GINS1: variants seen among roughly 807,000 people sequenced by gnomAD.
GINS1 encodes DNA replication complex GINS protein PSF1.
Under a neutral mutation model 34.9 loss-of-function variants are expected in GINS1, and 26 were observed. That is an observed-to-expected ratio of 0.74 (90% CI 0.55 to 1.03). GINS1 has a LOEUF of 1.03. Ranked by LOEUF, GINS1 falls within the 50% of genes least tolerant of loss-of-function variation. The pLI is 0.00. For missense variants in GINS1, 235 were observed against 237.9 expected (o/e 0.99, Z 0.08); for synonymous variants, 97 against 84.4 (o/e 1.15, Z -0.82).
rs2090513726 is a variant in GINS1 at position 25,446,560 on chromosome 20, C to G, written c.*569C>G. The G allele has an allele frequency of 6.6e-6, 1 of 152,202 alleles. No homozygotes were observed. The highest frequency in any genetic ancestry group is 1.5e-5 in the Non-Finnish European group (1 of 68,056). 9.4% of individuals were successfully genotyped at this position (152,202 alleles called of 1,614,324 possible). A position where few individuals can be genotyped will look rare whatever the true frequency, so the allele number is the denominator to read the frequency against. On this transcript the variant is annotated 3_prime_UTR_variant, in exon 7 of 7. Coordinates refer to ENST00000262460, the MANE Select transcript of GINS1 (RefSeq NM_021067.5). ...GAGATACACATTTTCAAATCACATG[C>G]AAGTGAAGATGATGGTCTGTAGAAA...
chr20:25,442,320 TTATCCATC>T (rs2090485961), intron 6 of GINS1, among the ~76,000 whole-genome samples: 2 of 149,412 alleles, frequency 1.3e-5, no homozygotes, highest in African/African-American at 4.9e-5. Flanking sequence ...TAAGGAATCT[TTATCCATC>T]TATCTATCTA....
chr20:25,442,329 T>C (rs2090486094), intron 6 of GINS1, among the ~76,000 whole-genome samples: 1 of 133,636 alleles, frequency 7.5e-6, no homozygotes, highest in South Asian at 2.5e-4. Flanking sequence ...TTTATCCATC[T>C]ATCTATCTAT....
intron 3 of GINS1, 164 bp downstream of exon 3, chr20:25,417,366 A>T (rs759178560): frequency 8.0e-5 from 47 of 587,250 alleles, no homozygotes; most frequent in African/African-American, 1.6e-4. Flanking sequence ...ATGAAAAATC[A>T]CAACACTTTT....
chr20:25,429,450 A>T (rs2090414986), intron 5 of GINS1, among the ~76,000 whole-genome samples: 1 of 152,186 alleles, frequency 6.6e-6, no homozygotes, highest in Non-Finnish European at 1.5e-5. Context: ...CCAATCCATG[A>T]ACATGGGATG....
intron 1 of GINS1, among the ~76,000 whole-genome samples, chr20:25,410,763 A>G (rs2090279526): frequency 6.6e-6 from 1 of 151,776 alleles, no homozygotes; most frequent in African/African-American, 2.4e-5. Flanking sequence ...GGGTTTCACT[A>G]TTTTGGCCGG....
At chr20:25,421,388 T>C (rs1009742059) in intron 4 of GINS1, among the ~76,000 whole-genome samples, 9 of 152,216 alleles carry the variant, frequency 5.9e-5, no homozygotes, top group African/African-American at 1.9e-4. Flanking sequence ...GATCATGTGT[T>C]AATGTTTAGA....
intron 6 of GINS1, among the ~76,000 whole-genome samples, 182 bp downstream of exon 6, chr20:25,441,958 A>G (rs1279486828): frequency 6.6e-6 from 1 of 152,204 alleles, no homozygotes; most frequent in Non-Finnish European, 1.5e-5. Context: ...AATGTTGCAT[A>G]TAATAAAAGA....
intron 5 of GINS1, among the ~76,000 whole-genome samples, chr20:25,425,934 A>T (rs1435016027): frequency 6.6e-6 from 1 of 152,084 alleles, no homozygotes; most frequent in Non-Finnish European, 1.5e-5. Flanking sequence ...TGCAACTTTC[A>T]TATTGTTTTG....
intron 1 of GINS1, 58 bp from the exon 2 acceptor site, chr20:25,413,732 A>G: frequency 3.1e-6 from 3 of 959,140 alleles, no homozygotes; most frequent in Non-Finnish European, 5.2e-6. Flanking sequence ...TTGATAGCAT[A>G]TTGCCACAGA....
At position 25,407,782 on chromosome 20, in the gene GINS1, T is replaced by G. The variant is rs1294141786; in HGVS notation, c.-39T>G. 4 of 1,534,480 alleles carry G rather than the reference T, an allele frequency of 2.6e-6. No individual in the cohort carries two copies. The African/African-American group carries it at 4.1e-5, about 16-fold the overall frequency. On this transcript the variant is annotated 5_prime_UTR_variant, in exon 1 of 7. Transcript: ENST00000262460. ...CCAGATACCATTTTGGCGTGAGAGCTGGTGGTTGGCAAGGCCGCGGGAGTG... is the reference window on the plus strand; with the variant it reads ...CCAGATACCATTTTGGCGTGAGAGCGGGTGGTTGGCAAGGCCGCGGGAGTG...
At chr20:25,422,114 G>T (rs1236308226) in intron 4 of GINS1, among the ~76,000 whole-genome samples, 1 of 152,038 alleles carries the variant, frequency 6.6e-6, no homozygotes, top group Non-Finnish European at 1.5e-5. Flanking sequence ...CATCTGAAAA[G>T]GTGCAGAAAA....
intron 5 of GINS1, among the ~76,000 whole-genome samples, chr20:25,431,130 A>C (rs77281487): frequency 0.022 from 3,329 of 152,166 alleles, 113 homozygotes; most frequent in African/African-American, 0.075. Flanking sequence ...TTAATCATTC[A>C]GTCTTTGTAG....
Position 25,446,285 on chromosome 20 carries a change from T to G in GINS1, c.*294T>G. Reference sequence around the variant, plus strand: ...CCTGGCCTCAAGCAGTCCTCCCACCTTAGCTTCTCAAAGTGTTGAGATCAC... The same window carrying G: ...CCTGGCCTCAAGCAGTCCTCCCACCGTAGCTTCTCAAAGTGTTGAGATCAC... On this transcript the variant is annotated 3_prime_UTR_variant, in exon 7 of 7. Coordinates refer to ENST00000262460, the MANE Select transcript of GINS1 (RefSeq NM_021067.5). 3.6e-6 allele frequency: 1 copy of G among 277,086 alleles called. No homozygotes were observed. The highest frequency in any genetic ancestry group is 6.2e-5 in the East Asian group (1 of 16,218). The allele number at this position is 277,086 out of a possible 1,614,324, so 17.2% of individuals were successfully genotyped here. A position where few individuals can be genotyped will look rare whatever the true frequency, so the allele number is the denominator to read the frequency against.
At chr20:25,417,291 ATC>A (rs1455127171) in intron 3 of GINS1, 89 bp downstream of exon 3, 12 of 707,144 alleles carry the variant, frequency 1.7e-5, no homozygotes, top group South Asian at 8.3e-5. Flanking sequence ...GAAATCTTAG[ATC>A]TCTCTCTCTT....
intron 5 of GINS1, among the ~76,000 whole-genome samples, chr20:25,434,356 A>G (rs1438176624): frequency 1.3e-5 from 2 of 152,118 alleles, no homozygotes; most frequent in Non-Finnish European, 2.9e-5. Flanking sequence ...TAGGTTTTAG[A>G]ATTTTCCATG....
intron 5 of GINS1, among the ~76,000 whole-genome samples, chr20:25,434,875 A>G (rs1192170167): frequency 6.6e-6 from 1 of 152,204 alleles, no homozygotes; most frequent in Non-Finnish European, 1.5e-5. Flanking sequence ...GAGGGATGAA[A>G]TGCAGTGTCC....
chr20:25,429,209 C>T (rs139751936), intron 5 of GINS1, among the ~76,000 whole-genome samples: 4 of 152,046 alleles, frequency 2.6e-5, no homozygotes, highest in South Asian at 2.1e-4. Flanking sequence ...AGGCTGGTCT[C>T]GAACTCCTGA....
At chr20:25,415,861 T>G (rs114297685) in intron 2 of GINS1, among the ~76,000 whole-genome samples, 2,277 of 152,134 alleles carry the variant, frequency 0.015, 50 homozygotes, top group African/African-American at 0.052. Flanking sequence ...TCAGGGAACT[T>G]CTCTCCAAAG....
At chr20:25,437,515 C>T (rs1359947155) in intron 5 of GINS1, among the ~76,000 whole-genome samples, 2 of 152,246 alleles carry the variant, frequency 1.3e-5, no homozygotes, top group Non-Finnish European at 2.9e-5. Context: ...TCAGTAGACT[C>T]CAGAGTTCCA....
Sources: gnomAD v4.1 joint callset for allele counts (sites outside exome capture counted in the v4.1 genomes callset) on GRCh38, gnomAD v4.1.1 for gene constraint, MANE v1.5 for transcripts, NCBI Gene and HGNC (gene_info 2026-07-23, HGNC 2026-07-21) for gene names.